The following LAMB4 variants were observed in gnomAD, a reference collection of about 807,000 sequenced individuals.
LAMB4 encodes the protein laminin subunit beta 4, also known as laminin subunit beta-4.
In LAMB4, 196 loss-of-function variants were observed where a neutral mutation model predicts 199.2. The ratio of observed to expected loss-of-function variants is 0.98; its 90% CI spans 0.88 to 1.11. The LOEUF is 1.11. Among genes scored for constraint, LAMB4 ranks in the 50% least tolerant of loss-of-function variants. LAMB4 has a pLI of 0.00. For synonymous variants in LAMB4, 744 were observed against 770.6 expected (o/e 0.97, Z 0.57); for missense variants, 2,080 against 2,171.2 (o/e 0.96, Z 0.83).
chr7:108,107,207 A>T (rs2038051516), intron 6 of LAMB4, among the ~76,000 whole-genome samples: 1 of 151,922 alleles, frequency 6.6e-6, no homozygotes. Context: ...GTTCAATCCC[A>T]CTCACTCCAA....
chr7:108,127,125 G>T (rs2038817952), intron 1 of LAMB4, among the ~76,000 whole-genome samples: 1 of 151,558 alleles, frequency 6.6e-6, no homozygotes, highest in South Asian at 2.1e-4. Context: ...TCTAAGAGAA[G>T]GGCATAACCC....
intron 29 of LAMB4, among the ~76,000 whole-genome samples, chr7:108,038,242 C>G (rs190170525): frequency 1.1e-4 from 16 of 152,046 alleles, no homozygotes; most frequent in African/African-American, 3.9e-4. Context: ...TTACTGCAAC[C>G]TCTGACTTCC....
chr7:108,054,051 C>A (rs2035906195), intron 25 of LAMB4, among the ~76,000 whole-genome samples: 2 of 152,170 alleles, frequency 1.3e-5, no homozygotes, highest in African/African-American at 4.8e-5. Flanking sequence ...GAGACAGGGT[C>A]TCATTCTATC....
chr7:108,129,258 AC>A (rs1322552555), intron 1 of LAMB4, among the ~76,000 whole-genome samples: 54 of 152,206 alleles, frequency 3.5e-4, no homozygotes, highest in African/African-American at 1.3e-3. Flanking sequence ...CGCAGGAAAG[AC>A]ATGCATTCCG....
At position 108,122,170 on chromosome 7, in the gene LAMB4, G is replaced by GT. The variant is rs2038623499; in HGVS notation, c.34+960dup. Among the ~76,000 whole-genome samples the GT allele has an allele frequency of 1.3e-5, 2 of 152,230 alleles. 1 individual carries two copies. The highest frequency in any genetic ancestry group is 2.9e-5 in the Non-Finnish European group (2 of 68,040). On this transcript the variant is annotated intron_variant, in intron 2 of 33. Coordinates refer to ENST00000388781, the MANE Select transcript of LAMB4 (RefSeq NM_007356.3). ...GATCGGTTTAGAACTTTTGCAAGAT[G>GT]TAAGTAAGATATTCTATACAAAGGC... is the stretch of plus-strand genomic sequence containing the variant.
At chr7:108,043,543 A>ATTTTT (rs1385299702) in intron 29 of LAMB4, among the ~76,000 whole-genome samples, 2 of 59,694 alleles carry the variant, frequency 3.4e-5, no homozygotes, top group Non-Finnish European at 2.7e-5. Context: ...ACTGGCTATG[A>ATTTTT]TGTTTTTTTT....
chr7:108,067,897 G>A, intron 19 of LAMB4, 119 bp downstream of exon 19: 1 of 1,227,924 alleles, frequency 8.1e-7, no homozygotes, highest in African/African-American at 1.5e-5. Flanking sequence ...TAGATAGTCT[G>A]AATAATGTAG....
At position 108,055,614 on chromosome 7, in the gene LAMB4, C is replaced by T; in HGVS notation, c.3755+18G>A. The T allele has an allele frequency of 1.3e-6, 2 of 1,599,130 alleles. No individual in the cohort carries two copies. The highest frequency in any genetic ancestry group is 1.3e-5 in the African/African-American group (1 of 74,368). On this transcript the variant is annotated intron_variant, in intron 25 of 33. Transcript: ENST00000388781. ...AAATCAGGAGTTTGGCTGTCTGTTA[C>T]TTGAGCATAAATCTTACCTAACAGA...
intron 15 of LAMB4, among the ~76,000 whole-genome samples, chr7:108,078,617 C>G (rs1464782147): frequency 6.6e-6 from 1 of 152,168 alleles, no homozygotes; most frequent in African/African-American, 2.4e-5. Context: ...TTGACTCATT[C>G]ATCATGGCTC....
Position 108,046,365 on chromosome 7 carries a change from A to C in LAMB4, c.4326+1543T>G, listed in dbSNP as rs1194099355. On this transcript the variant is annotated intron_variant, in intron 28 of 33. Transcript: ENST00000388781. Reference sequence around the variant, plus strand: ...ATCGGCCTCCCAAAGTGCTGGGATTACAGGTGTGAGCCACTGCACCCGGCC... The same window carrying C: ...ATCGGCCTCCCAAAGTGCTGGGATTCCAGGTGTGAGCCACTGCACCCGGCC... 2.0e-5 allele frequency among the ~76,000 whole-genome samples: 3 copies of C among 151,370 alleles called. No individual in the cohort carries two copies. The East Asian group carries it at 5.8e-4, about 29-fold the overall frequency.
At chr7:108,076,069 A>T (rs987093086) in intron 17 of LAMB4, 2 of 152,520 alleles carry the variant, frequency 1.3e-5, no homozygotes, top group African/African-American at 2.4e-5. Context: ...AAATATTTTT[A>T]AAAATATGTA....
intron 31 of LAMB4, among the ~76,000 whole-genome samples, chr7:108,031,726 G>T (rs2035047565): frequency 6.6e-6 from 1 of 152,040 alleles, no homozygotes; most frequent in Non-Finnish European, 1.5e-5. Flanking sequence ...AATTTACATA[G>T]CTCTAGTTCA....
intron 11 of LAMB4, among the ~76,000 whole-genome samples, chr7:108,095,836 A>G (rs952736569): frequency 6.6e-5 from 10 of 152,216 alleles, no homozygotes; most frequent in Non-Finnish European, 1.2e-4. Flanking sequence ...TGCAAAGGCT[A>G]AAAAGACATG....
rs779569953 is a variant in LAMB4, at chr7:108,079,691, G to A, written c.1797C>T (p.Ala599=). The A allele has an allele frequency of 6.8e-6, 11 of 1,612,966 alleles. No homozygotes were observed. Among genetic ancestry groups the A allele is most frequent in the African/African-American group, 1.3e-5 (1 of 74,894 alleles). The change falls in exon 15 of 34, where the codon GCC becomes GCT. Residue 599 remains alanine (A), a synonymous_variant. Transcript: ENST00000388781. ...TCAAGCCAGCCCCAGGGAGAACCCT[G>A]GCAAATCCAGGTCCAGTCCATGTAA... is the stretch of plus-strand genomic sequence containing the variant. ...NPVTWTGPGF[A]RVLPGAGLRF... is the part of the protein sequence containing the mutation.
intron 10 of LAMB4, 29 bp from the exon 11 acceptor site, chr7:108,098,611 T>A: frequency 1.9e-6 from 3 of 1,549,586 alleles, no homozygotes; most frequent in Non-Finnish European, 2.6e-6. Flanking sequence ...ATTGTTTTAG[T>A]TAATTGCAAA....
chr7:108,129,373 G>T (rs999137642), intron 1 of LAMB4, among the ~76,000 whole-genome samples: 1 of 151,966 alleles, frequency 6.6e-6, no homozygotes, highest in African/African-American at 2.4e-5. Flanking sequence ...GACTTTTTCT[G>T]GTACACAAAT....
At chr7:108,100,837 T>A (rs572622195) in intron 10 of LAMB4, among the ~76,000 whole-genome samples, 85 of 152,354 alleles carry the variant, frequency 5.6e-4, no homozygotes, top group African/African-American at 2.0e-3. Flanking sequence ...GTAGGATACT[T>A]AGGAAATTGC....
At chr7:108,110,783 C>T (rs1239522848) in intron 4 of LAMB4, among the ~76,000 whole-genome samples, 1 of 152,104 alleles carries the variant, frequency 6.6e-6, no homozygotes, top group African/African-American at 2.4e-5. Flanking sequence ...GAAAAAACAC[C>T]TCATATTCAT....
chr7:108,050,087 A>T (rs190720416), intron 26 of LAMB4, among the ~76,000 whole-genome samples: 15 of 152,336 alleles, frequency 9.8e-5, no homozygotes. Flanking sequence ...CTGCCATTGT[A>T]GAGTGAAAGC....
Sources: gnomAD v4.1 joint callset for allele counts (sites outside exome capture counted in the v4.1 genomes callset) on GRCh38, gnomAD v4.1.1 for gene constraint, MANE v1.5 for transcripts, NCBI Gene and HGNC (gene_info 2026-07-23, HGNC 2026-07-21) for gene names.